ABCB1: variants seen among roughly 807,000 people sequenced by gnomAD.
ABCB1 encodes the protein ATP-dependent translocase ABCB1.
In ABCB1, 69 loss-of-function variants were observed where a neutral mutation model predicts 142.0. The ratio of observed to expected loss-of-function variants is 0.49; its 90% CI spans 0.40 to 0.59. The LOEUF (loss-of-function observed/expected upper bound fraction) is 0.59, where lower values mean the gene tolerates loss of function less well. Ranked by LOEUF, ABCB1 falls within the 20% of genes least tolerant of loss-of-function variation. ABCB1 has a pLI of 0.00. For missense variants in ABCB1, 1,326 were observed against 1,554.7 expected (o/e 0.85, Z 2.47); for synonymous variants, 532 against 539.2 (o/e 0.99, Z 0.18).
intron 1 of ABCB1, among the ~76,000 whole-genome samples, chr7:87,684,815 A>G (rs62489862): frequency 0.043 from 6,591 of 151,556 alleles, 197 homozygotes; most frequent in Middle Eastern, 0.075. Flanking sequence ...ATACACATAA[A>G]TATGCTTGAT....
chr7:87,534,870 ATGCCAC>A (rs1288575731), intron 20 of ABCB1, among the ~76,000 whole-genome samples: 8 of 147,508 alleles, frequency 5.4e-5, no homozygotes. Flanking sequence ...AGCTGTAATC[ATGCCAC>A]TGCAGTCTGG....
chr7:87,639,811 A>G (rs982888843), intron 1 of ABCB1, among the ~76,000 whole-genome samples: 1 of 151,968 alleles, frequency 6.6e-6, no homozygotes, highest in African/African-American at 2.4e-5. Flanking sequence ...TAGGTAAGAT[A>G]GGATTGAATT....
At position 87,549,940 on chromosome 7, in the gene ABCB1, G is replaced by C; in HGVS notation, c.1465C>G (p.Arg489Gly). ...LFATTIAENI[R>G]YGRENVTMDE... ...ATGGTGACATTTTCACGGCCATAGC[G>C]AATGTTTTCAGCTATCGTGGTGGCA... Residue 489 changes from arginine to glycine, a missense_variant, in exon 13 of 28, where the codon CGC (arginine) becomes GGC (glycine). Physicochemically the swap from Arg to Gly is moderately radical, Grantham distance 125. Coordinates refer to ENST00000622132, the MANE Select transcript of ABCB1 (RefSeq NM_001348946.2). The C allele has an allele frequency of 6.2e-7, 1 of 1,614,138 alleles. No homozygotes were observed. The highest frequency in any genetic ancestry group is 8.5e-7 in the Non-Finnish European group (1 of 1,180,022).
chr7:87,509,127 A>C, intron 26 of ABCB1, 148 bp downstream of exon 26: 2 of 790,932 alleles, frequency 2.5e-6, no homozygotes, highest in Non-Finnish European at 4.3e-6. Context: ...CCAAACAGGA[A>C]GTGTGGCCAG....
chr7:87,559,078 A>T (rs1411360890), intron 8 of ABCB1, among the ~76,000 whole-genome samples: 1 of 152,064 alleles, frequency 6.6e-6, no homozygotes, highest in Non-Finnish European at 1.5e-5. Flanking sequence ...TCAAAGTTAC[A>T]CTAGCCCCAT....
chr7:87,512,160 C>T (rs1815040156), intron 25 of ABCB1, among the ~76,000 whole-genome samples: 1 of 150,416 alleles, frequency 6.6e-6, no homozygotes, highest in African/African-American at 2.5e-5. Context: ...AAATATCCAC[C>T]TTTGTATCTA....
At chr7:87,656,059 C>G (rs1219704457) in intron 1 of ABCB1, among the ~76,000 whole-genome samples, 1 of 151,966 alleles carries the variant, frequency 6.6e-6, no homozygotes, top group Non-Finnish European at 1.5e-5. Context: ...TTCCCAGCCT[C>G]TAGAACTATG....
intron 1 of ABCB1, among the ~76,000 whole-genome samples, chr7:87,619,141 G>C (rs1187830382): frequency 1.3e-5 from 2 of 152,202 alleles, no homozygotes; most frequent in Admixed American, 1.3e-4. Context: ...TACAACAATA[G>C]AAAACTAATA....
intron 1 of ABCB1, among the ~76,000 whole-genome samples, chr7:87,631,639 C>T (rs187726397): frequency 6.6e-6 from 1 of 152,300 alleles, no homozygotes; most frequent in East Asian, 1.9e-4. Context: ...GTGATCCGCC[C>T]GCCTCGGCCT....
intron 27 of ABCB1, among the ~76,000 whole-genome samples, chr7:87,504,784 G>A (rs1217669948): frequency 1.6e-4 from 23 of 146,310 alleles, no homozygotes; most frequent in Admixed American, 8.2e-4. Context: ...CAGCCTGGGC[G>A]ACAGAGCGAG....
At chr7:87,588,550 T>G (rs1202817870) in intron 3 of ABCB1, among the ~76,000 whole-genome samples, 1 of 152,250 alleles carries the variant, frequency 6.6e-6, no homozygotes, top group Non-Finnish European at 1.5e-5. Flanking sequence ...CAATGCTCTA[T>G]GTGTACCACA....
At chr7:87,683,485 A>G (rs745479802) in intron 1 of ABCB1, among the ~76,000 whole-genome samples, 23 of 152,172 alleles carry the variant, frequency 1.5e-4, no homozygotes, top group Non-Finnish European at 7.4e-5. Context: ...AGGCCATTAT[A>G]GGATTATTAA....
chr7:87,509,394 C>G lies in ABCB1; in HGVS notation c.3370G>C (p.Asp1124His). 1 of 1,614,172 alleles carries G rather than the reference C, an allele frequency of 6.2e-7. No homozygotes were observed. The highest frequency in any genetic ancestry group is 8.5e-7 in the Non-Finnish European group (1 of 1,180,016). The change falls in exon 26 of 28, where the codon GAC (aspartate) becomes CAC (histidine). Residue 1124 changes from aspartate to histidine, a missense_variant. By Grantham distance (81) the Asp-to-His change is moderately conservative. Transcript: ENST00000622132. ...GCAATGTTCTCAGCAATGCTGCAGT[C>G]AAACAGGATGGGCTCCTGGGACACG... ...GIVSQEPILF[D>H]CSIAENIAYG...
intron 1 of ABCB1, among the ~76,000 whole-genome samples, chr7:87,632,409 C>T (rs1365403361): frequency 2.0e-5 from 3 of 152,030 alleles, no homozygotes; most frequent in Non-Finnish European, 4.4e-5. Context: ...TTTTAGTGAA[C>T]ATTTACATGT....
Position 87,555,151 on chromosome 7 carries a change from T to C in ABCB1, c.828-1219A>G, listed in dbSNP as rs1584876673. Among the ~76,000 whole-genome samples the C allele has an allele frequency of 2.0e-5, 3 of 152,208 alleles. No homozygotes were observed. In the East Asian group the frequency reaches 5.8e-4, roughly 29 times the overall value. ...TAAGAGGATAGCTATGGAGATAAGC[T>C]AATGGAGCCCAGAGTTAAAGAAAAA... On this transcript the variant is annotated intron_variant, in intron 8 of 27. Transcript: ENST00000622132.
intron 25 of ABCB1, among the ~76,000 whole-genome samples, chr7:87,510,064 A>C (rs1472652762): frequency 6.6e-6 from 1 of 152,146 alleles, no homozygotes; most frequent in Non-Finnish European, 1.5e-5. Flanking sequence ...ATATGAGCCC[A>C]CTGAGACCTA....
At chr7:87,543,523 T>G (rs899707482) in intron 17 of ABCB1, among the ~76,000 whole-genome samples, 5 of 152,154 alleles carry the variant, frequency 3.3e-5, no homozygotes, top group African/African-American at 1.2e-4. Context: ...TGTCCTCAGC[T>G]TGATGTTTGG....
At chr7:87,668,093 C>T (rs1825447489) in intron 1 of ABCB1, among the ~76,000 whole-genome samples, 1 of 149,758 alleles carries the variant, frequency 6.7e-6, no homozygotes, top group Non-Finnish European at 1.5e-5. Flanking sequence ...TGGTAGAATT[C>T]AGTTATGAAT....
intron 8 of ABCB1, among the ~76,000 whole-genome samples, chr7:87,555,079 C>T (rs1817252157): frequency 6.6e-6 from 1 of 152,126 alleles, no homozygotes. Context: ...GAGATGATGT[C>T]TATAACTCGA....
Sources: gnomAD v4.1 joint callset for allele counts (sites outside exome capture counted in the v4.1 genomes callset) on GRCh38, gnomAD v4.1.1 for gene constraint, MANE v1.5 for transcripts, NCBI Gene and HGNC (gene_info 2026-07-23, HGNC 2026-07-21) for gene names.